Variants in TRA2B observed in about 807,000 individuals in gnomAD.
TRA2B encodes transformer 2 beta homolog, also known as transformer-2 protein homolog beta.
A neutral mutation model predicts 41.7 loss-of-function variants in TRA2B; 14 were observed. The observed-to-expected ratio is 0.34, with a 90% CI of 0.22 to 0.53. The LOEUF (loss-of-function observed/expected upper bound fraction) is 0.53. Among genes scored for constraint, TRA2B ranks in the 20% least tolerant of loss-of-function variants. The pLI is 0.95. For synonymous variants in TRA2B, 130 were observed against 128.8 expected, an observed-to-expected ratio of 1.01 and a Z score of -0.06; for missense variants, 167 against 396.8, an observed-to-expected ratio of 0.42 and a Z score of 4.92.
chr3:185,936,676 GTTTTTT>G (rs35441764), intron 1 of TRA2B: 2 of 825,822 alleles, frequency 2.4e-6, no homozygotes, highest in Non-Finnish European at 1.4e-6. Flanking sequence ...GTAACAAATT[GTTTTTT>G]TTTTTTAAAA....
intron 1 of TRA2B, among the ~76,000 whole-genome samples, chr3:185,932,038 G>A (rs1248902946): frequency 6.6e-6 from 1 of 151,592 alleles, no homozygotes; most frequent in South Asian, 2.1e-4. Flanking sequence ...AGAATATATG[G>A]TAATCTCATT....
intron 5 of TRA2B, 40 bp downstream of exon 5, chr3:185,921,971 G>A (rs1425640388): frequency 3.3e-6 from 5 of 1,506,892 alleles, no homozygotes; most frequent in Middle Eastern, 1.7e-4. Context: ...TTTGACAAGT[G>A]AAAAACTGCC....
At chr3:185,920,669 C>T (rs1578473366) in intron 6 of TRA2B, among the ~76,000 whole-genome samples, 1 of 152,144 alleles carries the variant, frequency 6.6e-6, no homozygotes, top group East Asian at 1.9e-4. Flanking sequence ...ATTCACCTGC[C>T]AGTAGCTGGG....
At chr3:185,923,481 GCAT>G (rs1248340930) in intron 4 of TRA2B, 1 of 194,504 alleles carries the variant, frequency 5.1e-6, no homozygotes, top group African/African-American at 2.3e-5. Context: ...TTTTCCTTCT[GCAT>G]CATAACTTTG....
Position 185,937,877 on chromosome 3 carries a change from C to G in TRA2B, c.-17G>C, listed in dbSNP as rs768835213. On this transcript the variant is annotated 5_prime_UTR_variant, in exon 1 of 9. Transcript: ENST00000453386. ...GTCGCTCATGACTCCTGGCTGCTGT[C>G]GCCGGTCGATGTGCTTCAATCGAAG... is the stretch of plus-strand genomic sequence containing the variant. 3.7e-6 allele frequency: 6 copies of G among 1,613,754 alleles called. No homozygotes were observed. In the Middle Eastern group the frequency reaches 4.9e-4, roughly 133 times the overall value.
intron 1 of TRA2B, chr3:185,928,301 G>A (rs903878935): frequency 4.6e-5 from 7 of 152,296 alleles, no homozygotes; most frequent in African/African-American, 1.7e-4. Context: ...GGCCCCAGAC[G>A]ACTCTAGAAA....
intron 7 of TRA2B, 104 bp from the exon 8 acceptor site, chr3:185,918,542 A>C: frequency 1.5e-6 from 1 of 664,292 alleles, no homozygotes; most frequent in Non-Finnish European, 2.5e-6. Flanking sequence ...TTCCCCAAAA[A>C]AGGAAAGCTG....
intron 1 of TRA2B, chr3:185,928,006 C>T (rs1744016642): frequency 1.3e-5 from 2 of 152,196 alleles, no homozygotes; most frequent in Middle Eastern, 3.2e-3. Flanking sequence ...TGGCATGAAT[C>T]AAAGGTGAAG....
rs1247663213 is a variant in TRA2B, at chr3:185,915,664, G to C, written c.*2051C>G. Among the ~76,000 whole-genome samples the C allele has an allele frequency of 6.6e-6, 1 of 152,086 alleles. No homozygotes were observed. The highest frequency in any genetic ancestry group is 1.5e-5 in the Non-Finnish European group (1 of 68,004). ...AAAATTCTTTCAAATCTAAAAGCCAGAAAACAACTCAAACTAGCCTAAAAA... is the reference window on the plus strand; with the variant it reads ...AAAATTCTTTCAAATCTAAAAGCCACAAAACAACTCAAACTAGCCTAAAAA... On this transcript the variant is annotated 3_prime_UTR_variant, in exon 9 of 9. Coordinates refer to ENST00000453386, the MANE Select transcript of TRA2B (RefSeq NM_004593.3).
intron 1 of TRA2B, among the ~76,000 whole-genome samples, chr3:185,931,137 T>C (rs4398467): frequency 0.016 from 2,385 of 152,312 alleles, 66 homozygotes; most frequent in African/African-American, 0.05. Context: ...TTTGGTTCCA[T>C]AACCATCCTG....
At chr3:185,936,556 G>T in intron 1 of TRA2B, 2 of 985,222 alleles carry the variant, frequency 2.0e-6, no homozygotes, top group Non-Finnish European at 2.4e-6. Context: ...ATACTCTGAG[G>T]AATCATATAA....
At chr3:185,937,391 G>T in intron 1 of TRA2B, 2 of 1,002,236 alleles carry the variant, frequency 2.0e-6, no homozygotes, top group Non-Finnish European at 2.4e-6. Flanking sequence ...GGCCCGCTGC[G>T]GGTCGGGTCC....
intron 1 of TRA2B, chr3:185,927,743 TA>T (rs1305298397): frequency 6.6e-6 from 1 of 152,138 alleles, no homozygotes; most frequent in Non-Finnish European, 1.5e-5. Context: ...ACCAACGAGC[TA>T]AAGACACATA....
chr3:185,932,601 A>AT (rs1028995704), intron 1 of TRA2B, among the ~76,000 whole-genome samples: 17 of 152,202 alleles, frequency 1.1e-4, no homozygotes, highest in African/African-American at 4.1e-4. Context: ...AATTTAGAAA[A>AT]TATTAAGTCT....
chr3:185,929,698 T>C (rs555573690), intron 1 of TRA2B, among the ~76,000 whole-genome samples: 3 of 152,332 alleles, frequency 2.0e-5, no homozygotes, highest in South Asian at 2.1e-4. Flanking sequence ...TTGAAAGGAC[T>C]AACCATCCAA....
At position 185,936,486 on chromosome 3, in the gene TRA2B, G is replaced by T. The variant is rs754313628; in HGVS notation, c.36+1339C>A. 1.9e-4 allele frequency: 187 copies of T among 985,280 alleles called. 1 individual carries two copies. The highest frequency in any genetic ancestry group is 5.2e-4 in the Middle Eastern group (1 of 1,936). The allele number at this position is 985,280 out of a possible 1,614,324, so 61.0% of individuals were successfully genotyped here. ...TGATTAGTTCAAACCAAATTAAGCAGTTTGGGCTCCAAAATTACGCAGGAA... is the reference window on the plus strand; with the variant it reads ...TGATTAGTTCAAACCAAATTAAGCATTTTGGGCTCCAAAATTACGCAGGAA... On this transcript the variant is annotated intron_variant, in intron 1 of 8. Coordinates refer to ENST00000453386, the MANE Select transcript of TRA2B (RefSeq NM_004593.3).
chr3:185,935,313 CA>C, intron 1 of TRA2B: 1 of 985,214 alleles, frequency 1.0e-6, no homozygotes, highest in Non-Finnish European at 1.2e-6. Context: ...CCCCTATAGA[CA>C]GATTTTAGTG....
At position 185,922,145 on chromosome 3, in the gene TRA2B, T is replaced by C. The variant is rs760346169; in HGVS notation, c.523-19A>G. 7.0e-6 allele frequency: 11 copies of C among 1,582,332 alleles called. No homozygotes were observed. Among genetic ancestry groups the C allele is most frequent in the African/African-American group, 6.7e-5 (5 of 74,166 alleles). ...CTTTAGCCTTCAAAAGGTAAATAAA[T>C]TGTTACATACATCCTGAACAAAGCC... On this transcript the variant is annotated intron_variant, in intron 4 of 8. Transcript: ENST00000453386.
intron 7 of TRA2B, among the ~76,000 whole-genome samples, chr3:185,919,216 C>A (rs924855488): frequency 6.6e-6 from 1 of 151,988 alleles, no homozygotes; most frequent in Non-Finnish European, 1.5e-5. Flanking sequence ...TACCTCATCA[C>A]GGTATAAAAT....
Sources: gnomAD v4.1 joint callset for allele counts (sites outside exome capture counted in the v4.1 genomes callset) on GRCh38, gnomAD v4.1.1 for gene constraint, MANE v1.5 for transcripts, NCBI Gene and HGNC (gene_info 2026-07-23, HGNC 2026-07-21) for gene names.